Variants in CNOT6L observed in about 807,000 individuals in gnomAD.
CNOT6L encodes the protein CCR4-NOT transcription complex subunit 6 like.
In CNOT6L, 7 loss-of-function variants were observed where a neutral mutation model predicts 64.0. That is an observed-to-expected ratio of 0.11 (90% CI 0.06 to 0.21). The LOEUF (loss-of-function observed/expected upper bound fraction) is 0.21. Ranked by LOEUF, CNOT6L falls within the 10% of genes least tolerant of loss-of-function variation. The pLI is 1.00. For missense variants in CNOT6L, 245 were observed against 669.0 expected (o/e 0.37, Z 6.99); for synonymous variants, 193 against 243.4 (o/e 0.79, Z 1.93).
At chr4:77,738,851 A>T (rs1278111068) in intron 8 of CNOT6L, among the ~76,000 whole-genome samples, 1 of 152,206 alleles carries the variant, frequency 6.6e-6, no homozygotes, top group East Asian at 1.9e-4. Flanking sequence ...ATTTTATAAA[A>T]TGCTTTGGAA....
At chr4:77,768,516 T>TATATATATATATATATATATATATATA (rs1727149697) in intron 4 of CNOT6L, among the ~76,000 whole-genome samples, 1 of 137,770 alleles carries the variant, frequency 7.3e-6, no homozygotes, top group African/African-American at 2.7e-5. Context: ...TATATATATA[T>TATATATATATATATATATATATATATA]TCTACTCATT....
intron 3 of CNOT6L, among the ~76,000 whole-genome samples, chr4:77,773,965 AAT>A (rs1463475908): frequency 1.3e-5 from 2 of 152,154 alleles, no homozygotes; most frequent in African/African-American, 2.4e-5. Flanking sequence ...ATTTTAAAAC[AAT>A]ATGTTTAAAC....
rs767474257 is a variant in CNOT6L, at chr4:77,776,514, C to T, written c.6-122G>A. ...CAGTCTAGTAAGTCATTTTATACTA[C>T]AAATTCTCACTTGCAGAAAAAGAAA... On this transcript the variant is annotated intron_variant, in intron 1 of 11. Transcript: ENST00000504123. 1.1e-4 allele frequency: 73 copies of T among 648,514 alleles called. 1 individual carries two copies. Among genetic ancestry groups the T allele is most frequent in the Non-Finnish European group, 1.7e-4 (68 of 395,746 alleles). The allele number at this position is 648,514 out of a possible 1,614,324, so 40.2% of individuals were successfully genotyped here. A position where few individuals can be genotyped will look rare whatever the true frequency, so the allele number is the denominator to read the frequency against.
chr4:77,819,547 A>C, upstream of CNOT6L: 2 of 502,716 alleles, frequency 4.0e-6, no homozygotes, highest in East Asian at 6.5e-5. Context: ...GCGCGCAGGG[A>C]ACCCGGGCCC....
At position 77,737,406 on chromosome 4, in the gene CNOT6L, CTTTTTTTTTTTTTTTTTTTTTTT is replaced by C. The variant is rs56952956; in HGVS notation, c.872+4712_872+4734del. On this transcript the variant is annotated intron_variant, in intron 8 of 11. Coordinates refer to ENST00000504123, the MANE Select transcript of CNOT6L (RefSeq NM_144571.3). The stretch of plus-strand genomic sequence containing the variant: ...AATAACATCCTATATTTGTACCGTT[CTTTTTTTTTTTTTTTTTTTTTTT>C]TTTTTTTTTTGAGATGGAATCTTGC... Among the ~76,000 whole-genome samples the C allele has an allele frequency of 3.0e-4, 25 of 82,386 alleles. 1 individual carries two copies. Among genetic ancestry groups the C allele is most frequent in the South Asian group, 1.9e-3 (4 of 2,102 alleles). 54.0% of individuals were successfully genotyped at this position (82,386 alleles called of 152,430 possible).
intron 11 of CNOT6L, 101 bp from the exon 12 acceptor site, chr4:77,720,744 G>C (rs1721190483): frequency 8.8e-7 from 1 of 1,142,152 alleles, no homozygotes; most frequent in Admixed American, 2.2e-5. Context: ...CTTTCTTCTG[G>C]TACCTGTTGT....
Position 77,716,600 on chromosome 4 carries a change from C to T in CNOT6L, c.*3831G>A, listed in dbSNP as rs911008986. ...TTTAAAATGGAACACTATATTTGCC[C>T]ATGTTCCAGTTTTAATGTGCCACAT... On this transcript the variant is annotated 3_prime_UTR_variant, in exon 12 of 12. Coordinates refer to ENST00000504123, the MANE Select transcript of CNOT6L (RefSeq NM_144571.3). 6.6e-6 allele frequency: 1 copy of T among 152,322 alleles called. No individual in the cohort carries two copies. Among genetic ancestry groups the T allele is most frequent in the Admixed American group, 6.6e-5 (1 of 15,232 alleles). The allele number at this position is 152,322 out of a possible 1,614,324, so 9.4% of individuals were successfully genotyped here.
chr4:77,774,281 C>T (rs994602163), intron 3 of CNOT6L, among the ~76,000 whole-genome samples: 6 of 152,134 alleles, frequency 3.9e-5, no homozygotes, highest in African/African-American at 1.4e-4. Flanking sequence ...ATGAGACTTA[C>T]TATTTTAGCC....
intron 1 of CNOT6L, among the ~76,000 whole-genome samples, chr4:77,790,263 AAC>A (rs1437607610): frequency 2.0e-5 from 3 of 152,292 alleles, no homozygotes; most frequent in Admixed American, 6.5e-5. Flanking sequence ...AGCACTGAAT[AAC>A]ACATCACTGT....
chr4:77,815,823 G>A (rs1359961250), intron 1 of CNOT6L, among the ~76,000 whole-genome samples: 1 of 152,162 alleles, frequency 6.6e-6, no homozygotes, highest in African/African-American at 2.4e-5. Context: ...CAACATAAGA[G>A]GAAAGCCACA....
intron 7 of CNOT6L, among the ~76,000 whole-genome samples, chr4:77,742,796 C>T (rs527926195): frequency 1.8e-4 from 27 of 152,246 alleles, no homozygotes; most frequent in Admixed American, 7.2e-4. Flanking sequence ...GTACCTAAAT[C>T]GCAATCATCC....
At chr4:77,810,562 T>C (rs1732810157) in intron 1 of CNOT6L, among the ~76,000 whole-genome samples, 1 of 152,188 alleles carries the variant, frequency 6.6e-6, no homozygotes, top group African/African-American at 2.4e-5. Flanking sequence ...CACAGTGATG[T>C]TTCCATACAT....
At chr4:77,773,912 G>A (rs1157846309) in intron 3 of CNOT6L, among the ~76,000 whole-genome samples, 1 of 152,054 alleles carries the variant, frequency 6.6e-6, no homozygotes, top group Non-Finnish European at 1.5e-5. Context: ...ATTAGTGGAT[G>A]ACCAAAAGTA....
chr4:77,771,238 G>A (rs1727519062), intron 4 of CNOT6L, among the ~76,000 whole-genome samples: 1 of 152,144 alleles, frequency 6.6e-6, no homozygotes, highest in African/African-American at 2.4e-5. Flanking sequence ...ACTTGAACCT[G>A]GGAGGCGGAG....
intron 1 of CNOT6L, among the ~76,000 whole-genome samples, chr4:77,795,550 G>C (rs1730734834): frequency 1.3e-5 from 2 of 152,064 alleles, no homozygotes; most frequent in South Asian, 4.1e-4. Context: ...CTGGTTATTT[G>C]AAAAGTGTGT....
intron 4 of CNOT6L, among the ~76,000 whole-genome samples, chr4:77,762,124 T>C (rs1217465897): frequency 2.0e-5 from 3 of 152,166 alleles, no homozygotes; most frequent in Non-Finnish European, 4.4e-5. Flanking sequence ...AGACTCAGTA[T>C]TAAGTCTCAA....
chr4:77,780,683 T>G (rs1227145218), intron 1 of CNOT6L, among the ~76,000 whole-genome samples: 2 of 152,208 alleles, frequency 1.3e-5, no homozygotes, highest in Non-Finnish European at 2.9e-5. Context: ...TTAAAAAGTT[T>G]TAATCTCCAT....
At chr4:77,819,097 T>G in intron 1 of CNOT6L, 4 of 700,566 alleles carry the variant, frequency 5.7e-6, no homozygotes, top group Non-Finnish European at 9.0e-6. Context: ...CGCCCGCCTC[T>G]GAAGAGACGC....
intron 1 of CNOT6L, among the ~76,000 whole-genome samples, chr4:77,777,487 C>T (rs1379644831): frequency 6.6e-6 from 1 of 152,132 alleles, no homozygotes; most frequent in Non-Finnish European, 1.5e-5. Flanking sequence ...TGACAAATGG[C>T]TCTAAAGGTA....
Sources: allele counts gnomAD v4.1 joint callset (sites outside exome capture counted in the v4.1 genomes callset), GRCh38; gene constraint gnomAD v4.1.1; transcripts MANE v1.5; gene names NCBI Gene and HGNC (gene_info 2026-07-23, HGNC 2026-07-21).